The following DRG1 variants were observed in gnomAD, a reference collection of about 807,000 sequenced individuals.
DRG1 encodes the protein developmentally regulated GTP binding protein 1.
A neutral mutation model predicts 38.8 loss-of-function variants in DRG1; 19 were observed. The observed-to-expected ratio is 0.49, with a 90% CI of 0.34 to 0.72. The LOEUF (loss-of-function observed/expected upper bound fraction) is 0.72. Among genes scored for constraint, DRG1 ranks in the 30% least tolerant of loss-of-function variants. The pLI is 0.01. For synonymous variants in DRG1, 167 were observed against 157.5 expected (o/e 1.06, Z -0.45); for missense variants, 299 against 444.8 (o/e 0.67, Z 2.95).
At chr22:31,417,682 AAAAAT>A (rs1210247454) in intron 4 of DRG1, among the ~76,000 whole-genome samples, 1 of 151,662 alleles carries the variant, frequency 6.6e-6, no homozygotes, top group African/African-American at 2.4e-5. Context: ...TCCATCTCAA[AAAAAT>A]AAAATAAATA....
intron 4 of DRG1, among the ~76,000 whole-genome samples, chr22:31,417,225 C>T (rs1036765250): frequency 2.0e-5 from 3 of 151,240 alleles, no homozygotes; most frequent in African/African-American, 7.3e-5. Flanking sequence ...CAAAAATTAG[C>T]TGGGTGTGGT....
At chr22:31,425,739 C>T (rs907923618) in intron 6 of DRG1, among the ~76,000 whole-genome samples, 3 of 152,196 alleles carry the variant, frequency 2.0e-5, no homozygotes, top group African/African-American at 7.2e-5. Flanking sequence ...CTATGCCCAG[C>T]CCATTAATAT....
intron 4 of DRG1, among the ~76,000 whole-genome samples, chr22:31,417,384 AT>A (rs765673975): frequency 2.0e-4 from 30 of 151,452 alleles, no homozygotes; most frequent in Middle Eastern, 3.4e-3. Flanking sequence ...AATAATAATA[AT>A]AAAAATAAAA....
intron 7 of DRG1, 57 bp downstream of exon 7, chr22:31,426,839 A>G: frequency 6.4e-7 from 1 of 1,572,092 alleles, no homozygotes; most frequent in Non-Finnish European, 8.6e-7. Flanking sequence ...CTGTCCTAAA[A>G]TGATACTTTC....
chr22:31,419,872 C>T (rs1195051920), intron 4 of DRG1, among the ~76,000 whole-genome samples: 1 of 152,060 alleles, frequency 6.6e-6, no homozygotes, highest in Non-Finnish European at 1.5e-5. Context: ...GGTGAGGAAA[C>T]CTCGTCTCTA....
chr22:31,425,195 GTTTTTT>G (rs2050103063), intron 6 of DRG1, among the ~76,000 whole-genome samples: 5 of 152,080 alleles, frequency 3.3e-5, no homozygotes, highest in Admixed American at 6.6e-5. Flanking sequence ...CCCCATTTCA[GTTTTTT>G]TCTTTTACAG....
At chr22:31,419,536 G>A (rs958613339) in intron 4 of DRG1, among the ~76,000 whole-genome samples, 1 of 151,840 alleles carries the variant, frequency 6.6e-6, no homozygotes, top group Non-Finnish European at 1.5e-5. Flanking sequence ...ATTCTAAAAC[G>A]TGCAAACTAT....
intron 4 of DRG1, among the ~76,000 whole-genome samples, chr22:31,418,190 C>T (rs1001512945): frequency 6.6e-6 from 1 of 151,898 alleles, no homozygotes; most frequent in East Asian, 1.9e-4. Flanking sequence ...TACCTGTAAT[C>T]CCAGCACTTT....
intron 8 of DRG1, among the ~76,000 whole-genome samples, chr22:31,428,449 G>A (rs2050122634): frequency 1.3e-5 from 2 of 151,874 alleles, no homozygotes; most frequent in South Asian, 2.1e-4. Flanking sequence ...TCCTGACCTT[G>A]TGATCTGCCC....
intron 5 of DRG1, among the ~76,000 whole-genome samples, chr22:31,420,878 TC>T (rs1273254239): frequency 6.6e-6 from 1 of 152,170 alleles, no homozygotes; most frequent in East Asian, 1.9e-4. Flanking sequence ...AATGTATTCG[TC>T]AATGATAAAT....
intron 6 of DRG1, among the ~76,000 whole-genome samples, chr22:31,424,488 CTTTTTTTTTTT>C (rs398036881): frequency 5.6e-5 from 4 of 71,398 alleles, no homozygotes; most frequent in South Asian, 1.4e-3. Flanking sequence ...GCTTTGGTTT[CTTTTTTTTTTT>C]TTTTTTTTTT....
chr22:31,418,085 A>G (rs1477526050), intron 4 of DRG1, among the ~76,000 whole-genome samples: 9 of 151,986 alleles, frequency 5.9e-5, no homozygotes, highest in Admixed American at 5.9e-4. Flanking sequence ...TCATGAGGTC[A>G]GGAGTTCAAG....
chr22:31,400,536 G>C, intron 1 of DRG1, 84 bp from the exon 2 acceptor site: 1 of 1,558,806 alleles, frequency 6.4e-7, no homozygotes, highest in South Asian at 1.1e-5. Flanking sequence ...AACATTAGTA[G>C]GACTTGGGGA....
At position 31,399,732 on chromosome 22, in the gene DRG1, G is replaced by A. The variant is rs754073105; in HGVS notation, c.42+7G>A. The A allele has an allele frequency of 3.7e-6, 6 of 1,613,890 alleles. No individual in the cohort carries two copies. In the African/African-American group the frequency reaches 8.0e-5, roughly 22 times the overall value. ...CGCGGAGATAGAAGCAGAGGTAATG[G>A]ACGCAGCTGGCGGTTCACTCTTAGT... is the stretch of plus-strand genomic sequence containing the variant. On this transcript the variant is annotated splice_region_variant and intron_variant, in intron 1 of 8. Transcript: ENST00000331457.
At chr22:31,424,871 C>A (rs2050101299) in intron 6 of DRG1, among the ~76,000 whole-genome samples, 1 of 126,944 alleles carries the variant, frequency 7.9e-6, no homozygotes, top group African/African-American at 2.9e-5. Context: ...GGCACGATTT[C>A]AGCTCACTGC....
chr22:31,433,957 A>C lies in DRG1; in HGVS notation c.1090A>C (p.Ile364Leu). 1 of 1,614,006 alleles carries C rather than the reference A, an allele frequency of 6.2e-7. No homozygotes were observed. Among genetic ancestry groups the C allele is most frequent in the Non-Finnish European group, 8.5e-7 (1 of 1,179,870 alleles). The change falls in exon 9 of 9, where the codon ATT becomes CTT. Residue 364 changes from isoleucine (I) to leucine (L), a missense_variant. Ile to Leu is a conservative substitution (Grantham distance 5). This residue lies in a region of DRG1 where 198 missense variants were observed against 268.1 expected (regional missense o/e 0.74). Coordinates refer to ENST00000331457, the MANE Select transcript of DRG1 (RefSeq NM_004147.4). ...GTTGGAGGATGAGGATGTCATTCAA[A>C]TTGTGAAGAAGTGAAACCTTTCCCT... Reference protein sequence around the residue: ...HTLEDEDVIQIVKK With the variant: ...HTLEDEDVIQLVKK
At chr22:31,432,486 C>T (rs1259208338) in intron 8 of DRG1, among the ~76,000 whole-genome samples, 1 of 150,468 alleles carries the variant, frequency 6.6e-6, no homozygotes, top group African/African-American at 2.4e-5. Context: ...AGTGCAGTGG[C>T]GCGATCTTGG....
intron 8 of DRG1, among the ~76,000 whole-genome samples, chr22:31,431,715 T>A (rs2050140328): frequency 6.6e-6 from 1 of 152,086 alleles, no homozygotes. Context: ...ATCCTAAGAG[T>A]ACTGAGAGAG....
At chr22:31,427,537 C>G (rs1440364548) in intron 8 of DRG1, among the ~76,000 whole-genome samples, 1 of 152,094 alleles carries the variant, frequency 6.6e-6, no homozygotes, top group Non-Finnish European at 1.5e-5. Context: ...CCTCCCTAAT[C>G]TCTTACATTT....
Sources: gnomAD v4.1 joint callset for allele counts (sites outside exome capture counted in the v4.1 genomes callset) on GRCh38, gnomAD v4.1.1 for gene constraint, gnomAD v4.1.1 regional missense constraint, MANE v1.5 for transcripts, NCBI Gene and HGNC (gene_info 2026-07-23, HGNC 2026-07-21) for gene names.